The following TCF20 variants were observed in gnomAD, a reference collection of about 807,000 sequenced individuals.
The protein encoded by TCF20 is SPRE-binding protein.
A neutral mutation model predicts 148.6 loss-of-function variants in TCF20; 3 were observed. The ratio of observed to expected loss-of-function variants is 0.02; its 90% CI spans 0.01 to 0.05. TCF20 has a LOEUF of 0.05. Among genes scored for constraint, TCF20 ranks in the 10% least tolerant of loss-of-function variants. The pLI, the probability that TCF20 is intolerant of heterozygous loss-of-function variation, is 1.00. For missense variants in TCF20, 2,350 were observed against 2,429.3 expected, an observed-to-expected ratio of 0.97 and a Z score of 0.69; for synonymous variants, 1,049 against 909.5, an observed-to-expected ratio of 1.15 and a Z score of -2.76.
intron 2 of TCF20, among the ~76,000 whole-genome samples, chr22:42,186,964 C>G (rs777818534): frequency 3.3e-5 from 5 of 152,216 alleles, no homozygotes; most frequent in Non-Finnish European, 5.9e-5. Context: ...AACCGCCTCA[C>G]AGGCTTGCCT....
intron 1 of TCF20, among the ~76,000 whole-genome samples, chr22:42,330,378 C>T (rs1370728601): frequency 1.3e-5 from 2 of 152,194 alleles, no homozygotes; most frequent in Non-Finnish European, 2.9e-5. Context: ...CCAAACACCT[C>T]GCTCCTTCCC....
In TCF20 at chr22:42,211,525, T is replaced by G. The variant is rs770945649; in HGVS notation, c.3781A>C (p.Ile1261Leu). 14 of 1,614,054 alleles carry G rather than the reference T, an allele frequency of 8.7e-6. No homozygotes were observed. The highest frequency in any genetic ancestry group is 1.2e-5 in the Non-Finnish European group (14 of 1,180,034). ...TGTCTCTTACTGGGAATGGGAGAGA[T>G]AAAAGAACGAACACGCCTCCTCATG... is the stretch of plus-strand genomic sequence containing the variant. ...LIMRRRVRSF[I>L]SPIPSKRQSQ... Residue 1261 changes from isoleucine to leucine, a missense_variant, in exon 2 of 6, where the codon ATC becomes CTC. Physicochemically the swap from Ile to Leu is conservative, Grantham distance 5. Transcript: ENST00000677622.
At chr22:42,174,924 G>A (rs1296537519) in intron 3 of TCF20, among the ~76,000 whole-genome samples, 3 of 151,824 alleles carry the variant, frequency 2.0e-5, no homozygotes, top group Non-Finnish European at 4.4e-5. Context: ...AGTCCCAGCT[G>A]CTGGGGCGGC....
intron 1 of TCF20, among the ~76,000 whole-genome samples, chr22:42,343,325 T>C (rs1928200926): frequency 6.6e-6 from 1 of 152,110 alleles, no homozygotes; most frequent in Non-Finnish European, 1.5e-5. Flanking sequence ...TGCCAGCCTT[T>C]GAGCCTCACA....
intron 1 of TCF20, among the ~76,000 whole-genome samples, chr22:42,310,986 C>T (rs1361716454): frequency 6.6e-6 from 1 of 152,236 alleles, no homozygotes; most frequent in Non-Finnish European, 1.5e-5. Flanking sequence ...TCATCAATAC[C>T]CAAGAAAATA....
At chr22:42,176,937 T>G (rs778710560) in intron 3 of TCF20, among the ~76,000 whole-genome samples, 56 of 152,204 alleles carry the variant, frequency 3.7e-4, no homozygotes, top group Non-Finnish European at 6.3e-4. Flanking sequence ...TCTGTATCAC[T>G]GTAGGATAAC....
At chr22:42,232,051 T>C (rs1326742190) in intron 1 of TCF20, among the ~76,000 whole-genome samples, 1 of 152,170 alleles carries the variant, frequency 6.6e-6, no homozygotes, top group Non-Finnish European at 1.5e-5. Context: ...TAGTGTGCAG[T>C]AACGTCCTGG....
intron 2 of TCF20, among the ~76,000 whole-genome samples, chr22:42,198,564 T>C (rs1439289328): frequency 6.6e-6 from 1 of 152,210 alleles, no homozygotes; most frequent in Non-Finnish European, 1.5e-5. Context: ...CCTAATATGA[T>C]GTAGCTAATG....
At chr22:42,175,398 T>C (rs1006782185) in intron 3 of TCF20, among the ~76,000 whole-genome samples, 2 of 152,144 alleles carry the variant, frequency 1.3e-5, no homozygotes, top group African/African-American at 2.4e-5. Context: ...TGGAGTGCAG[T>C]GGCGTGATCT....
Position 42,292,248 on chromosome 22 carries a change from G to A in TCF20, c.-37+51231C>T, listed in dbSNP as rs182864297. On this transcript the variant is annotated intron_variant, in intron 1 of 1. Transcript: ENST00000515426. The surrounding 1 kb of genome is among the most constrained non-coding windows in gnomAD (Gnocchi z 4.9). ...AGAAAGCTCACCCAGGTCCCACGGCGGTAGTAGGCAATACCTTACAGTTCC... is the reference window on the plus strand; with the variant it reads ...AGAAAGCTCACCCAGGTCCCACGGCAGTAGTAGGCAATACCTTACAGTTCC... Among the ~76,000 whole-genome samples, 473 of 152,296 alleles carry A rather than the reference G, an allele frequency of 3.1e-3. 8 individuals carry two copies. Among genetic ancestry groups the A allele is most frequent in the Admixed American group, 0.028 (425 of 15,300 alleles).
At chr22:42,242,188 G>A (rs1924465898) in intron 1 of TCF20, among the ~76,000 whole-genome samples, 1 of 89,622 alleles carries the variant, frequency 1.1e-5, no homozygotes, top group South Asian at 3.3e-4. Context: ...GGGCGACAGA[G>A]CGAGACTTCG....
At chr22:42,231,057 G>C (rs1923353329) in intron 1 of TCF20, among the ~76,000 whole-genome samples, 1 of 152,112 alleles carries the variant, frequency 6.6e-6, no homozygotes, top group African/African-American at 2.4e-5. Context: ...AACTACTTGG[G>C]AGGCTAAGGC....
intron 1 of TCF20, among the ~76,000 whole-genome samples, chr22:42,223,403 A>G (rs760201952): frequency 9.2e-5 from 14 of 152,182 alleles, no homozygotes; most frequent in African/African-American, 1.9e-4. Flanking sequence ...ATCCAAATGC[A>G]TATTTTTGAA....
intron 1 of TCF20, among the ~76,000 whole-genome samples, chr22:42,318,357 G>A (rs763282325): frequency 9.9e-5 from 15 of 152,168 alleles, no homozygotes; most frequent in Non-Finnish European, 1.6e-4. Flanking sequence ...AGACTAGGGC[G>A]TACAGGGAAC....
chr22:42,238,800 T>C (rs530811388), intron 1 of TCF20, among the ~76,000 whole-genome samples: 4 of 152,154 alleles, frequency 2.6e-5, no homozygotes, highest in Non-Finnish European at 5.9e-5. Flanking sequence ...TGGGAGTGCT[T>C]TGTGGCGCTC....
At position 42,338,387 on chromosome 22, in the gene TCF20, G is replaced by A. The variant is rs573418672; in HGVS notation, c.-37+5092C>T. ...TGCATTTTCACGGAGGCCTCAGGGGGACACAAAGCTTAAATGGCAGCGCAG... is the reference window on the plus strand; with the variant it reads ...TGCATTTTCACGGAGGCCTCAGGGGAACACAAAGCTTAAATGGCAGCGCAG... On this transcript the variant is annotated intron_variant, in intron 1 of 1. Coordinates refer to the TCF20 transcript ENST00000515426. This position sits in a 1 kb window ranked among gnomAD's most constrained non-coding sequence, Gnocchi z 4.0. 6.6e-6 allele frequency among the ~76,000 whole-genome samples: 1 copy of A among 152,134 alleles called. No homozygotes were observed. The highest frequency in any genetic ancestry group is 2.4e-5 in the African/African-American group (1 of 41,508).
At chr22:42,309,553 C>T (rs991527789) in intron 1 of TCF20, among the ~76,000 whole-genome samples, 4 of 151,996 alleles carry the variant, frequency 2.6e-5, no homozygotes, top group Non-Finnish European at 5.9e-5. Flanking sequence ...CCCCTCCCCA[C>T]ATTCAGGAGT....
intron 1 of TCF20, among the ~76,000 whole-genome samples, chr22:42,268,545 A>G (rs566032571): frequency 6.6e-6 from 1 of 152,350 alleles, no homozygotes; most frequent in Non-Finnish European, 1.5e-5. Flanking sequence ...TGGAAATTTC[A>G]ACAGTTAGCC....
intron 3 of TCF20, among the ~76,000 whole-genome samples, chr22:42,177,691 GTA>G (rs1347749540): frequency 6.6e-6 from 1 of 152,172 alleles, no homozygotes; most frequent in Admixed American, 6.5e-5. Flanking sequence ...TCTATTGTAT[GTA>G]TACAACGTAC....
Sources: allele counts gnomAD v4.1 joint callset (sites outside exome capture counted in the v4.1 genomes callset), GRCh38; gene constraint gnomAD v4.1.1; non-coding constraint Gnocchi (gnomAD v3.1); transcripts MANE v1.5; gene names NCBI Gene and HGNC (gene_info 2026-07-23, HGNC 2026-07-21).